Variants in HS6ST3 observed in about 807,000 individuals in gnomAD.
HS6ST3 encodes heparan-sulfate 6-O-sulfotransferase 3.
A neutral mutation model predicts 36.7 loss-of-function variants in HS6ST3; 12 were observed. The ratio of observed to expected loss-of-function variants is 0.33; its 90% CI spans 0.21 to 0.53. The LOEUF is 0.53. Ranked by LOEUF, HS6ST3 falls within the 20% of genes least tolerant of loss-of-function variation. The pLI is 0.95. For synonymous variants in HS6ST3, 240 were observed against 257.5 expected, an observed-to-expected ratio of 0.93 and a Z score of 0.65; for missense variants, 584 against 640.9, an observed-to-expected ratio of 0.91 and a Z score of 0.96.
intron 1 of HS6ST3, among the ~76,000 whole-genome samples, chr13:96,425,952 C>G (rs933928391): frequency 5.3e-5 from 8 of 151,426 alleles, no homozygotes; most frequent in African/African-American, 1.9e-4. Context: ...CACACGTCTG[C>G]TTGGTGCTGT....
At chr13:96,337,201 T>G (rs979334612) in intron 1 of HS6ST3, among the ~76,000 whole-genome samples, 1 of 152,040 alleles carries the variant, frequency 6.6e-6, no homozygotes, top group Non-Finnish European at 1.5e-5. Flanking sequence ...AATTTAGCTG[T>G]GACTATAGGC....
At chr13:96,281,980 T>C (rs1182096974) in intron 1 of HS6ST3, among the ~76,000 whole-genome samples, 2 of 152,190 alleles carry the variant, frequency 1.3e-5, no homozygotes, top group South Asian at 2.1e-4. Context: ...ATAATACTTA[T>C]GTAAAGTTCT....
chr13:96,669,035 A>AT (rs2138429889), intron 1 of HS6ST3, among the ~76,000 whole-genome samples: 1 of 152,232 alleles, frequency 6.6e-6, no homozygotes, highest in African/African-American at 2.4e-5. Flanking sequence ...TAGAAAATTA[A>AT]TTTAAATGCT....
chr13:96,356,347 G>T (rs917124917), intron 1 of HS6ST3, among the ~76,000 whole-genome samples: 5 of 152,028 alleles, frequency 3.3e-5, no homozygotes, highest in African/African-American at 7.2e-5. Flanking sequence ...ACTTTGTCCA[G>T]ATTCATCAGA....
rs925653065 is a variant in HS6ST3 at position 96,282,523 on chromosome 13, A to G, written c.707+190954A>G. On this transcript the variant is annotated intron_variant, in intron 1 of 1. Transcript: ENST00000376705. ...GTGGGTCAGTGGGGTAAATGGCCTT[A>G]CCCAAAGTTGTTCTGTCCTCATGCC... is the stretch of plus-strand genomic sequence containing the variant. 6.6e-5 allele frequency among the ~76,000 whole-genome samples: 10 copies of G among 152,140 alleles called. 1 individual carries two copies.
intron 1 of HS6ST3, among the ~76,000 whole-genome samples, chr13:96,400,155 TCACACACA>T (rs55957302): frequency 1.6e-4 from 23 of 145,374 alleles, no homozygotes; most frequent in Admixed American, 2.8e-4. Flanking sequence ...AGTGCTGAAA[TCACACACA>T]CACACACACA....
intron 1 of HS6ST3, among the ~76,000 whole-genome samples, chr13:96,430,297 A>T (rs1266295871): frequency 1.3e-5 from 2 of 152,182 alleles, no homozygotes; most frequent in African/African-American, 4.8e-5. Flanking sequence ...AATACAAATG[A>T]TGTCACATTT....
chr13:96,282,696 G>C (rs2054781864), intron 1 of HS6ST3, among the ~76,000 whole-genome samples: 1 of 152,118 alleles, frequency 6.6e-6, no homozygotes, highest in South Asian at 2.1e-4. Context: ...TGAATAATAT[G>C]TAAGTTCTTA....
intron 1 of HS6ST3, among the ~76,000 whole-genome samples, chr13:96,151,017 C>T (rs185459165): frequency 3.6e-4 from 55 of 152,250 alleles, no homozygotes; most frequent in African/African-American, 1.2e-3. Flanking sequence ...TTTCTAAGGA[C>T]ATGCTTCATA....
At chr13:96,761,514 C>T (rs1371984566) in intron 1 of HS6ST3, among the ~76,000 whole-genome samples, 2 of 151,764 alleles carry the variant, frequency 1.3e-5, no homozygotes, top group Non-Finnish European at 2.9e-5. Context: ...GAATGAGCAA[C>T]TGTTTTAATT....
At chr13:96,786,353 A>C (rs1877649524) in intron 1 of HS6ST3, among the ~76,000 whole-genome samples, 1 of 152,020 alleles carries the variant, frequency 6.6e-6, no homozygotes, top group African/African-American at 2.4e-5. Flanking sequence ...CTATAATTAC[A>C]TTTATTTATC....
intron 1 of HS6ST3, among the ~76,000 whole-genome samples, chr13:96,698,227 G>C (rs1385228946): frequency 6.6e-6 from 1 of 152,056 alleles, no homozygotes; most frequent in African/African-American, 2.4e-5. Context: ...CCCGGTGTGT[G>C]ATGTTGCCCT....
At chr13:96,645,522 T>C (rs2056585648) in intron 1 of HS6ST3, among the ~76,000 whole-genome samples, 1 of 151,200 alleles carries the variant, frequency 6.6e-6, no homozygotes, top group Non-Finnish European at 1.5e-5. Context: ...AAATATAATA[T>C]TGATTTGAGA....
chr13:96,554,223 GAC>G (rs2056230901), intron 1 of HS6ST3, among the ~76,000 whole-genome samples: 1 of 152,080 alleles, frequency 6.6e-6, no homozygotes, highest in South Asian at 2.1e-4. Context: ...AAGAAACAGA[GAC>G]ACAACCATTC....
At chr13:96,592,151 A>G (rs1241542609) in intron 1 of HS6ST3, among the ~76,000 whole-genome samples, 4 of 152,092 alleles carry the variant, frequency 2.6e-5, no homozygotes, top group African/African-American at 9.7e-5. Context: ...ATAATGGCCT[A>G]TAGTTTTCTT....
intron 1 of HS6ST3, among the ~76,000 whole-genome samples, chr13:96,661,175 T>C (rs2056645068): frequency 6.6e-6 from 1 of 152,272 alleles, no homozygotes; most frequent in East Asian, 1.9e-4. Context: ...AACTTGCAGA[T>C]GGCCTATCAT....
chr13:96,652,445 T>A (rs1005693240), intron 1 of HS6ST3, among the ~76,000 whole-genome samples: 4 of 151,992 alleles, frequency 2.6e-5, no homozygotes, highest in African/African-American at 9.6e-5. Context: ...TTCCCTCCAC[T>A]CCTTCTTCCT....
At chr13:96,384,226 A>T (rs993832092) in intron 1 of HS6ST3, among the ~76,000 whole-genome samples, 1 of 152,236 alleles carries the variant, frequency 6.6e-6, no homozygotes, top group Non-Finnish European at 1.5e-5. Flanking sequence ...CTCTGACCAC[A>T]TATAAAATCA....
intron 1 of HS6ST3, among the ~76,000 whole-genome samples, chr13:96,644,447 C>A (rs1460960980): frequency 6.6e-6 from 1 of 151,974 alleles, no homozygotes; most frequent in Non-Finnish European, 1.5e-5. Context: ...AAAAGAAGCC[C>A]TTGAAATATC....
Sources: gnomAD v4.1 joint callset for allele counts (sites outside exome capture counted in the v4.1 genomes callset) on GRCh38, gnomAD v4.1.1 for gene constraint, MANE v1.5 for transcripts, NCBI Gene and HGNC (gene_info 2026-07-23, HGNC 2026-07-21) for gene names.